The following FAT1 variants were observed in gnomAD, a reference collection of about 807,000 sequenced individuals.
FAT1 encodes the protein FAT atypical cadherin 1, also known as protocadherin Fat 1.
FAT1 carries 171 observed loss-of-function variants against 329.8 expected under a neutral mutation model. The ratio of observed to expected loss-of-function variants is 0.52; its 90% CI spans 0.46 to 0.59. The LOEUF (loss-of-function observed/expected upper bound fraction) is 0.59, where lower values mean the gene tolerates loss of function less well. Ranked by LOEUF, FAT1 falls within the 20% of genes least tolerant of loss-of-function variation. The pLI is 0.00. For missense variants in FAT1, 5,672 were observed against 5,774.4 expected, an observed-to-expected ratio of 0.98 and a Z score of 0.57; for synonymous variants, 2,233 against 2,228.6, an observed-to-expected ratio of 1.00 and a Z score of -0.06.
At chr4:186,652,838 G>A (rs1458445898) in intron 3 of FAT1, among the ~76,000 whole-genome samples, 4 of 152,112 alleles carry the variant, frequency 2.6e-5, no homozygotes, top group Non-Finnish European at 5.9e-5. Context: ...AGTGTTACTG[G>A]ACTAACACAT....
At position 186,600,283 on chromosome 4, in the gene FAT1, G is replaced by C. The variant is rs1738748591; in HGVS notation, c.11718C>G (p.Val3906=). 6.2e-7 allele frequency: 1 copy of C among 1,613,710 alleles called. No individual in the cohort carries two copies. The highest frequency in any genetic ancestry group is 8.5e-7 in the Non-Finnish European group (1 of 1,179,842). ...CCACTGCGTGCCACTGCCCATCATTGACCTGAATGCTCTGAACAGAGACAA... is the reference window on the plus strand; with the variant it reads ...CCACTGCGTGCCACTGCCCATCATTCACCTGAATGCTCTGAACAGAGACAA... The part of the protein sequence containing the change: ...PGIVSVQSIQ[V]NDGQWHAVAL... Residue 3906 remains valine (V), a synonymous_variant, in exon 22 of 27, where the codon GTC becomes GTG. Transcript: ENST00000441802.
intron 2 of FAT1, among the ~76,000 whole-genome samples, chr4:186,697,348 G>A (rs1382111906): frequency 6.6e-6 from 1 of 152,212 alleles, no homozygotes; most frequent in Non-Finnish European, 1.5e-5. Context: ...AGCGTCTGTG[G>A]AGGGCCGGCT....
At chr4:186,672,536 G>T (rs1035421240) in intron 2 of FAT1, among the ~76,000 whole-genome samples, 43 of 152,170 alleles carry the variant, frequency 2.8e-4, no homozygotes, top group African/African-American at 9.7e-4. Flanking sequence ...AGCAAACTCA[G>T]TGGCCTGATG....
intron 4 of FAT1, among the ~76,000 whole-genome samples, 156 bp downstream of exon 4, chr4:186,639,566 T>G (rs1255604470): frequency 1.3e-5 from 2 of 152,156 alleles, no homozygotes; most frequent in African/African-American, 2.4e-5. Context: ...TCATTAACAA[T>G]TTCCTTATAT....
rs774237077 is a variant in FAT1, at chr4:186,596,784, C to T, written c.12756G>A (p.Arg4252=). The part of the protein sequence containing the change: ...YSDIPPQVPV[R]PISYTPSIPS... The stretch of plus-strand genomic sequence containing the variant: ...GAATACTCGGGGTGTAGGAAATAGG[C>T]CGGACAGGCACCTGGGGTGGTATGT... Residue 4252 remains arginine, a synonymous_variant, in exon 25 of 27, where the codon CGG becomes CGA. Coordinates refer to ENST00000441802, the MANE Select transcript of FAT1 (RefSeq NM_005245.4). This position sits in a 1 kb window ranked among gnomAD's most constrained non-coding sequence, Gnocchi z 4.7. The T allele has an allele frequency of 6.2e-7, 1 of 1,613,956 alleles. No homozygotes were observed. Among genetic ancestry groups the T allele is most frequent in the Non-Finnish European group, 8.5e-7 (1 of 1,179,884 alleles).
chr4:186,720,274 C>A (rs555287378), intron 1 of FAT1, among the ~76,000 whole-genome samples: 7 of 152,110 alleles, frequency 4.6e-5, no homozygotes, highest in African/African-American at 1.7e-4. Flanking sequence ...TTCTCTTCAA[C>A]GTTTCTTTCT....
chr4:186,682,224 T>C (rs1314654588), intron 2 of FAT1, among the ~76,000 whole-genome samples: 1 of 152,198 alleles, frequency 6.6e-6, no homozygotes, highest in East Asian at 1.9e-4. Flanking sequence ...ATCTTCTGAA[T>C]TGCTAAAAGT....
At chr4:186,700,420 T>C (rs1407133657) in intron 2 of FAT1, among the ~76,000 whole-genome samples, 1 of 152,214 alleles carries the variant, frequency 6.6e-6, no homozygotes, top group Non-Finnish European at 1.5e-5. Context: ...TGGCCTGATC[T>C]TGACTTGCTG....
intron 26 of FAT1, chr4:186,592,873 A>G: frequency 2.4e-6 from 1 of 413,160 alleles, no homozygotes; most frequent in Non-Finnish European, 4.9e-6. Context: ...TGAGTGCTTT[A>G]ATACAACCAC....
chr4:186,663,495 C>G lies in FAT1; in HGVS notation c.3384G>C (p.Glu1128Asp), dbSNP rs1479848986. ...GTGCATTGTCATTGACATCCTCAAC[C>G]TCTATGTAGATCTCTATGAACGATG... Reference protein sequence around the residue: ...PLSSFIEIYIEVEDVNDNAPQ... With the variant: ...PLSSFIEIYIDVEDVNDNAPQ... Residue 1128 changes from glutamate to aspartate, a missense_variant, in exon 3 of 27, where the codon GAG becomes GAC. Glu to Asp is a conservative substitution (Grantham distance 45). Transcript: ENST00000441802. 1 of 1,614,050 alleles carries G rather than the reference C, an allele frequency of 6.2e-7. No individual in the cohort carries two copies. The highest frequency in any genetic ancestry group is 1.1e-5 in the South Asian group (1 of 91,086).
In FAT1 at chr4:186,613,161, G is replaced by A. The variant is rs1229095297; in HGVS notation, c.9411C>T (p.Asn3137=). 1.6e-5 allele frequency: 26 copies of A among 1,613,714 alleles called. No homozygotes were observed. The highest frequency in any genetic ancestry group is 2.1e-5 in the Non-Finnish European group (25 of 1,179,872). ...TTGTCAGCAGCGTTCCCGGCTCTGT[G>A]TTTTCAAACACGGTGATGGCATAAG... ...ADPYAITVFE[N]TEPGTLLTRV... is the part of the protein sequence containing the mutation. Residue 3137 remains asparagine, a synonymous_variant, in exon 13 of 27, where the codon AAC becomes AAT. Coordinates refer to ENST00000441802, the MANE Select transcript of FAT1 (RefSeq NM_005245.4).
rs1561023779 is a variant in FAT1, at chr4:186,723,791, C to CGCG, written c.-147_-146insCGC. On this transcript the variant is annotated 5_prime_UTR_variant, in exon 1 of 27. Coordinates refer to ENST00000441802, the MANE Select transcript of FAT1 (RefSeq NM_005245.4). The stretch of plus-strand genomic sequence containing the variant: ...TCGCGCGTCCGCATGGTACCTGCCG[C>CGCG]ACGAGCCGCTCCCGCGCCCTCTCCC... The CGCG allele has an allele frequency of 8.6e-5, 13 of 150,664 alleles. No homozygotes were observed. Among genetic ancestry groups the CGCG allele is most frequent in the African/African-American group, 3.1e-4 (13 of 41,286 alleles). The allele number at this position is 150,664 out of a possible 1,614,324, so 9.3% of individuals were successfully genotyped here.
chr4:186,589,772 T>C (rs1355175157), intron 26 of FAT1, among the ~76,000 whole-genome samples: 3 of 152,178 alleles, frequency 2.0e-5, no homozygotes, highest in African/African-American at 7.2e-5. Context: ...CCACAAACAA[T>C]CTTGCCAATT....
At chr4:186,709,883 A>G (rs1452608005) in intron 1 of FAT1, 38 bp from the exon 2 acceptor site, 1 of 1,508,668 alleles carries the variant, frequency 6.6e-7, no homozygotes, top group Non-Finnish European at 8.9e-7. Flanking sequence ...CCTTGGGGAA[A>G]TAAAACAAGC....
Position 186,619,411 on chromosome 4 carries a change from T to C in FAT1, c.7175A>G (p.Gln2392Arg), listed in dbSNP as rs1247867395. Residue 2392 changes from glutamine (Q) to arginine (R), a missense_variant, in exon 10 of 27, where the codon CAA becomes CGA. Gln to Arg is a conservative substitution (Grantham distance 43). Transcript: ENST00000441802. The stretch of plus-strand genomic sequence containing the variant: ...GCTAATTCTGGCTTCATAAATCTGT[T>C]GTTCAAAGAGTGGTGGATTATCATT... ...DLNDNPPLFE[Q>R]QIYEARISEH... 6.2e-7 allele frequency: 1 copy of C among 1,614,008 alleles called. No homozygotes were observed. The highest frequency in any genetic ancestry group is 8.5e-7 in the Non-Finnish European group (1 of 1,179,890).
At chr4:186,640,322 G>A (rs911340716) in intron 3 of FAT1, among the ~76,000 whole-genome samples, 1 of 152,148 alleles carries the variant, frequency 6.6e-6, no homozygotes, top group African/African-American at 2.4e-5. Flanking sequence ...TAGTAAGAAA[G>A]TGGAAAAACT....
chr4:186,622,920 G>A (rs1456850577), intron 9 of FAT1, among the ~76,000 whole-genome samples: 2 of 152,202 alleles, frequency 1.3e-5, no homozygotes, highest in Non-Finnish European at 2.9e-5. Context: ...CTTGCTCTAG[G>A]TTTGCCACGA....
chr4:186,715,630 A>T (rs1046256081), intron 1 of FAT1, among the ~76,000 whole-genome samples: 1 of 152,156 alleles, frequency 6.6e-6, no homozygotes, highest in South Asian at 2.1e-4. Context: ...TCTAAAAAGG[A>T]CCTTATCGCC....
At position 186,619,989 on chromosome 4, in the gene FAT1, G is replaced by A. The variant is rs2126511258; in HGVS notation, c.6597C>T (p.Ser2199=). 1 of 1,613,978 alleles carries A rather than the reference G, an allele frequency of 6.2e-7. No homozygotes were observed. Among genetic ancestry groups the A allele is most frequent in the Non-Finnish European group, 8.5e-7 (1 of 1,179,874 alleles). The part of the protein sequence containing the change: ...AEIAESIQVH[S]PVVHVQANSP... ...TGTTAGCCTGCACGTGGACCACAGG[G>A]CTGTGCACCTGGATGCTCTCTGCAA... Residue 2199 remains serine, a synonymous_variant, in exon 10 of 27, where the codon AGC becomes AGT. Transcript: ENST00000441802.
Sources: gnomAD v4.1 joint callset for allele counts (sites outside exome capture counted in the v4.1 genomes callset) on GRCh38, gnomAD v4.1.1 for gene constraint, Gnocchi (gnomAD v3.1) non-coding constraint, MANE v1.5 for transcripts, NCBI Gene and HGNC (gene_info 2026-07-23, HGNC 2026-07-21) for gene names.